The following LDAH variants were observed in gnomAD, a reference collection of about 807,000 sequenced individuals.
The protein encoded by LDAH is lipid droplet-associated hydrolase.
A neutral mutation model predicts 29.6 loss-of-function variants in LDAH; 26 were observed. That is an observed-to-expected ratio of 0.88 (90% confidence interval 0.64 to 1.22). The LOEUF is 1.22. Among genes scored for constraint, LDAH ranks in the 50% most tolerant of loss-of-function variants. The pLI, the probability that LDAH is intolerant of heterozygous loss-of-function variation, is 0.00. For missense variants in LDAH, 344 were observed against 387.3 expected, an observed-to-expected ratio of 0.89 and a Z score of 0.94; for synonymous variants, 117 against 133.0, an observed-to-expected ratio of 0.88 and a Z score of 0.83.
Position 20,685,515 on chromosome 2 carries a change from T to TATAG in LDAH, c.*1387_*1388insCTAT. 1 of 1,547,726 alleles carries TATAG rather than the reference T, an allele frequency of 6.5e-7. No individual in the cohort carries two copies. Among genetic ancestry groups the TATAG allele is most frequent in the East Asian group, 2.4e-5 (1 of 40,890 alleles). On this transcript the variant is annotated 3_prime_UTR_variant, in exon 7 of 7. Coordinates refer to ENST00000237822, the MANE Select transcript of LDAH (RefSeq NM_021925.4). ...GTCACTTGCTGTGATGTAGAAGCTA[T>TATAG]GCCAAAGCACAGTAACTCATTCAGC... is the stretch of plus-strand genomic sequence containing the variant.
chr2:20,752,523 G>T (rs1162989632), intron 4 of LDAH, among the ~76,000 whole-genome samples: 2 of 152,174 alleles, frequency 1.3e-5, no homozygotes, highest in Non-Finnish European at 2.9e-5. Context: ...CTACAAATGG[G>T]TGGTTTCAAA....
intron 4 of LDAH, among the ~76,000 whole-genome samples, chr2:20,747,962 T>G (rs1461064789): frequency 6.6e-6 from 1 of 152,176 alleles, no homozygotes; most frequent in Non-Finnish European, 1.5e-5. Flanking sequence ...ATATACTATA[T>G]ATTTACGTAC....
intron 4 of LDAH, among the ~76,000 whole-genome samples, chr2:20,745,606 T>C (rs2124865031): frequency 6.6e-6 from 1 of 152,334 alleles, no homozygotes; most frequent in East Asian, 1.9e-4. Context: ...TATATGCTTA[T>C]TTCCAAACAT....
At chr2:20,725,765 A>T (rs925659681) in intron 5 of LDAH, among the ~76,000 whole-genome samples, 1 of 152,240 alleles carries the variant, frequency 6.6e-6, no homozygotes, top group Non-Finnish European at 1.5e-5. Context: ...AAATAAGCCA[A>T]AGCCTAATCA....
At chr2:20,800,755 T>C (rs191575757) in intron 2 of LDAH, among the ~76,000 whole-genome samples, 3 of 152,230 alleles carry the variant, frequency 2.0e-5, no homozygotes, top group African/African-American at 7.2e-5. Context: ...TGCCTCAGCC[T>C]CCCGAGTAGC....
At chr2:20,703,211 A>G (rs541353893) in intron 5 of LDAH, among the ~76,000 whole-genome samples, 9 of 152,252 alleles carry the variant, frequency 5.9e-5, no homozygotes, top group Non-Finnish European at 1.0e-4. Flanking sequence ...ATATAGTTTC[A>G]TATCAAATAT....
rs985030175 is a variant in LDAH, at chr2:20,684,260, C to G, written c.*2643G>C. 2 of 152,206 alleles carry G rather than the reference C, an allele frequency of 1.3e-5. No homozygotes were observed. The highest frequency in any genetic ancestry group is 6.5e-5 in the Admixed American group (1 of 15,286). 9.4% of individuals were successfully genotyped at this position (152,206 alleles called of 1,614,324 possible). A position where few individuals can be genotyped will look rare whatever the true frequency, so the allele number is the denominator to read the frequency against. Reference sequence around the variant, plus strand: ...ATTAACAGTGGCATCTTACTCCCAGCTAATCTTCAGACCTCATTCAAGTTG... The same window carrying G: ...ATTAACAGTGGCATCTTACTCCCAGGTAATCTTCAGACCTCATTCAAGTTG... On this transcript the variant is annotated 3_prime_UTR_variant, in exon 7 of 7. Transcript: ENST00000237822.
chr2:20,806,004 C>T (rs1672044447), intron 1 of LDAH, among the ~76,000 whole-genome samples: 1 of 152,042 alleles, frequency 6.6e-6, no homozygotes, highest in Non-Finnish European at 1.5e-5. Context: ...TAATCAGCTT[C>T]AGCAAACAGT....
intron 5 of LDAH, among the ~76,000 whole-genome samples, chr2:20,703,368 T>C (rs553176216): frequency 6.6e-6 from 1 of 152,350 alleles, no homozygotes; most frequent in Admixed American, 6.5e-5. Context: ...ACGATCATCT[T>C]GTCATTTCTT....
At chr2:20,743,316 T>C in intron 4 of LDAH, among the ~76,000 whole-genome samples, 1 of 143,202 alleles carries the variant, frequency 7.0e-6, no homozygotes, top group Non-Finnish European at 1.5e-5. Flanking sequence ...GTCCACTTTT[T>C]TTTTTTTTTT....
At chr2:20,714,765 T>C (rs1393871764) in intron 5 of LDAH, among the ~76,000 whole-genome samples, 2 of 152,066 alleles carry the variant, frequency 1.3e-5, no homozygotes, top group Non-Finnish European at 2.9e-5. Context: ...TCTACGCAAA[T>C]AAACTAGAAA....
intron 1 of LDAH, among the ~76,000 whole-genome samples, chr2:20,817,145 A>G (rs1000799256): frequency 6.6e-6 from 1 of 152,094 alleles, no homozygotes; most frequent in Non-Finnish European, 1.5e-5. Flanking sequence ...ACAGCACTAG[A>G]CAAGAAGCAA....
At chr2:20,746,944 G>C (rs1667612514) in intron 4 of LDAH, among the ~76,000 whole-genome samples, 1 of 152,244 alleles carries the variant, frequency 6.6e-6, no homozygotes, top group East Asian at 1.9e-4. Context: ...AGGTAAATAT[G>C]CACACTGGGA....
At chr2:20,746,943 T>C (rs370815586) in intron 4 of LDAH, among the ~76,000 whole-genome samples, 32 of 152,174 alleles carry the variant, frequency 2.1e-4, no homozygotes, top group Non-Finnish European at 4.1e-4. Context: ...AAGGTAAATA[T>C]GCACACTGGG....
In LDAH at chr2:20,801,436, G is replaced by T. The variant is rs1340433488; in HGVS notation, c.28C>A (p.Pro10Thr). 6.2e-7 allele frequency: 1 copy of T among 1,613,948 alleles called. No individual in the cohort carries two copies. The highest frequency in any genetic ancestry group is 1.3e-5 in the African/African-American group (1 of 74,902). ...CACAAAATGAATTCCTCATGCACAG[G>T]AATTTCTTCCTTGAGTTCTGAGTCC... MDSELKEEI[P>T]VHEEFILCGG... The change falls in exon 2 of 7, where the codon CCT becomes ACT. Residue 10 changes from proline (P) to threonine (T), a missense_variant. By Grantham distance (38) the Pro-to-Thr change is conservative (BLOSUM62 -1). Coordinates refer to ENST00000237822, the MANE Select transcript of LDAH (RefSeq NM_021925.4).
At chr2:20,819,366 T>C (rs555935804) in intron 1 of LDAH, among the ~76,000 whole-genome samples, 2 of 152,310 alleles carry the variant, frequency 1.3e-5, no homozygotes, top group South Asian at 4.1e-4. Flanking sequence ...ATACTTAAAG[T>C]GACTTCAGAA....
intron 4 of LDAH, among the ~76,000 whole-genome samples, chr2:20,750,487 A>C (rs1033300758): frequency 6.6e-6 from 1 of 152,202 alleles, no homozygotes; most frequent in Non-Finnish European, 1.5e-5. Flanking sequence ...TCTATGATGA[A>C]ACTGAGGATC....
chr2:20,719,166 G>C (rs1200875249), intron 5 of LDAH, among the ~76,000 whole-genome samples: 1 of 132,088 alleles, frequency 7.6e-6, no homozygotes, highest in African/African-American at 2.7e-5. Context: ...ATAAAGATCA[G>C]AACAGAAATA....
In LDAH at chr2:20,740,052, AG is replaced by A. The variant is rs776505209; in HGVS notation, c.621del (p.Leu208CysfsTer2). The A allele has an allele frequency of 4.3e-6, 7 of 1,614,046 alleles. No homozygotes were observed. The African/African-American group carries it at 8.0e-5, about 18-fold the overall frequency. ...ACTTGAAGGCCCCTTCTGATTAGCA[AG>A]GACTTGATTGTCTCAGGACACGGTT... ...LLKPCPETIK[S>X]LLIRRGLQVM... On this transcript the variant is annotated frameshift_variant, in exon 5 of 7. Transcript: ENST00000237822. LOFTEE classifies it high-confidence loss of function.
Sources: gnomAD v4.1 joint callset for allele counts (sites outside exome capture counted in the v4.1 genomes callset) on GRCh38, gnomAD v4.1.1 for gene constraint, MANE v1.5 for transcripts, NCBI Gene and HGNC (gene_info 2026-07-23, HGNC 2026-07-21) for gene names.